CNTNAP2: variants seen among roughly 807,000 people sequenced by gnomAD.
The protein encoded by CNTNAP2 is contactin-associated protein-like 2.
A neutral mutation model predicts 155.2 loss-of-function variants in CNTNAP2; 98 were observed. The ratio of observed to expected loss-of-function variants is 0.63; its 90% CI spans 0.54 to 0.75. CNTNAP2 has a LOEUF of 0.75. Ranked by LOEUF, CNTNAP2 falls within the 30% of genes least tolerant of loss-of-function variation. The pLI is 0.00. For synonymous variants in CNTNAP2, 651 were observed against 631.2 expected, an observed-to-expected ratio of 1.03 and a Z score of -0.47; for missense variants, 1,727 against 1,688.1, an observed-to-expected ratio of 1.02 and a Z score of -0.40.
chr7:147,796,684 A>C (rs1285947731), intron 13 of CNTNAP2, among the ~76,000 whole-genome samples: 1 of 152,180 alleles, frequency 6.6e-6, no homozygotes, highest in Non-Finnish European at 1.5e-5. Context: ...CAGATGACAA[A>C]AAAACAAGGA....
intron 14 of CNTNAP2, among the ~76,000 whole-genome samples, chr7:147,945,836 ACTTCT>A (rs1800810986): frequency 7.2e-6 from 1 of 139,848 alleles, no homozygotes; most frequent in Non-Finnish European, 1.6e-5. Flanking sequence ...TTCCCCACTT[ACTTCT>A]CTTTTCTTTT....
At chr7:148,391,526 C>T (rs899055378) in intron 22 of CNTNAP2, among the ~76,000 whole-genome samples, 1 of 137,724 alleles carries the variant, frequency 7.3e-6, no homozygotes, top group African/African-American at 3.2e-5. Context: ...ATAATAAGTA[C>T]AGCCTGTTTC....
At chr7:147,486,293 G>A (rs1584764522) in intron 11 of CNTNAP2, among the ~76,000 whole-genome samples, 1 of 152,094 alleles carries the variant, frequency 6.6e-6, no homozygotes. Flanking sequence ...TAAACACATA[G>A]TTGAGATTGG....
At chr7:147,013,850 C>T (rs1413053327) in intron 3 of CNTNAP2, among the ~76,000 whole-genome samples, 6 of 152,106 alleles carry the variant, frequency 3.9e-5, no homozygotes. Flanking sequence ...CAATGTCTAC[C>T]ATGACCCAAA....
chr7:146,209,906 A>G (rs1248423447), intron 1 of CNTNAP2, among the ~76,000 whole-genome samples: 2 of 152,156 alleles, frequency 1.3e-5, no homozygotes, highest in African/African-American at 4.8e-5. Flanking sequence ...GTCGAGGTGA[A>G]GAATAAAGCA....
At chr7:147,840,705 T>A (rs1459115346) in intron 13 of CNTNAP2, among the ~76,000 whole-genome samples, 5 of 151,970 alleles carry the variant, frequency 3.3e-5, no homozygotes, top group Admixed American at 3.3e-4. Flanking sequence ...TTTGAAAGAA[T>A]TGAATGTAAT....
At chr7:146,817,460 G>A (rs887965786) in intron 2 of CNTNAP2, among the ~76,000 whole-genome samples, 2 of 144,902 alleles carry the variant, frequency 1.4e-5, no homozygotes, top group African/African-American at 2.7e-5. Context: ...CAACATGAGC[G>A]AAACTCCATC....
At chr7:147,241,268 C>T (rs916396465) in intron 8 of CNTNAP2, among the ~76,000 whole-genome samples, 1 of 152,162 alleles carries the variant, frequency 6.6e-6, no homozygotes, top group Non-Finnish European at 1.5e-5. Flanking sequence ...TCCCTGAGCT[C>T]TTTATATCAA....
chr7:146,203,098 A>G (rs1798892403), intron 1 of CNTNAP2, among the ~76,000 whole-genome samples: 4 of 152,140 alleles, frequency 2.6e-5, no homozygotes, highest in Admixed American at 2.0e-4. Flanking sequence ...CAATCAACAC[A>G]GAAGGTTTTT....
chr7:147,971,087 G>A (rs1400987293), intron 14 of CNTNAP2, among the ~76,000 whole-genome samples: 1 of 152,122 alleles, frequency 6.6e-6, no homozygotes, highest in African/African-American at 2.4e-5. Context: ...GGTAGGAAAA[G>A]CCCTTAAAAA....
At chr7:147,029,723 A>G (rs1798992422) in intron 3 of CNTNAP2, among the ~76,000 whole-genome samples, 1 of 152,174 alleles carries the variant, frequency 6.6e-6, no homozygotes, top group Non-Finnish European at 1.5e-5. Context: ...GAGGAAGAGT[A>G]AAATTGTTAA....
At chr7:147,940,527 A>T (rs903834304) in intron 14 of CNTNAP2, among the ~76,000 whole-genome samples, 4 of 151,764 alleles carry the variant, frequency 2.6e-5, no homozygotes, top group Non-Finnish European at 4.4e-5. Context: ...TTCTTTTTTA[A>T]TTATTTATTT....
At chr7:146,929,773 C>T (rs868782806) in intron 3 of CNTNAP2, among the ~76,000 whole-genome samples, 21 of 152,162 alleles carry the variant, frequency 1.4e-4, no homozygotes, top group Admixed American at 3.9e-4. Flanking sequence ...AGCCAAGGCT[C>T]GAGAACTACG....
At chr7:147,327,274 G>T (rs1327174561) in intron 9 of CNTNAP2, among the ~76,000 whole-genome samples, 1 of 152,118 alleles carries the variant, frequency 6.6e-6, no homozygotes, top group East Asian at 1.9e-4. Context: ...ACCTTATGAT[G>T]TCCATTGAAG....
At chr7:147,328,796 G>C (rs770004264) in intron 9 of CNTNAP2, among the ~76,000 whole-genome samples, 1 of 151,434 alleles carries the variant, frequency 6.6e-6, no homozygotes, top group African/African-American at 2.4e-5. Context: ...CTGCAGGCGG[G>C]TGCCATATTA....
chr7:146,609,457 C>A (rs1799099990), intron 1 of CNTNAP2, among the ~76,000 whole-genome samples: 2 of 152,190 alleles, frequency 1.3e-5, no homozygotes, highest in Admixed American at 1.3e-4. Flanking sequence ...TAGTATTCTG[C>A]TGTGAATACT....
intron 1 of CNTNAP2, among the ~76,000 whole-genome samples, chr7:146,358,359 G>C (rs1045607519): frequency 6.6e-6 from 1 of 152,084 alleles, no homozygotes; most frequent in Non-Finnish European, 1.5e-5. Flanking sequence ...ATGATCCGTA[G>C]GCATCAGATA....
chr7:147,529,097 C>T (rs1311539201), intron 11 of CNTNAP2, among the ~76,000 whole-genome samples: 1 of 152,168 alleles, frequency 6.6e-6, no homozygotes, highest in Admixed American at 6.5e-5. Context: ...AGCATATCAG[C>T]ACCATCTATC....
chr7:146,829,588 C>G (rs1274298182), intron 2 of CNTNAP2, among the ~76,000 whole-genome samples: 1 of 151,642 alleles, frequency 6.6e-6, no homozygotes, highest in Non-Finnish European at 1.5e-5. Flanking sequence ...TTAATTGAAG[C>G]AAAATATTAA....
Sources: allele counts gnomAD v4.1 joint callset (sites outside exome capture counted in the v4.1 genomes callset), GRCh38; gene constraint gnomAD v4.1.1; transcripts MANE v1.5; gene names NCBI Gene and HGNC (gene_info 2026-07-23, HGNC 2026-07-21).